The following PCDHA7 variants were observed in gnomAD, a reference collection of about 807,000 sequenced individuals.
The protein encoded by PCDHA7 is protocadherin alpha-7.
Under a neutral mutation model 57.2 loss-of-function variants are expected in PCDHA7, and 37 were observed. The observed-to-expected ratio is 0.65, with a 90% CI of 0.50 to 0.85. The LOEUF is 0.85. PCDHA7 is among the 40% of genes least tolerant of loss of function. PCDHA7 has a pLI of 0.00. For missense variants in PCDHA7, 1,188 were observed against 1,241.8 expected (o/e 0.96, Z 0.65); for synonymous variants, 553 against 558.8 (o/e 0.99, Z 0.15).
At chr5:140,858,342 C>T (rs528199752) in intron 1 of PCDHA7, 5 of 1,594,916 alleles carry the variant, frequency 3.1e-6, no homozygotes, top group East Asian at 2.2e-5. Flanking sequence ...CTGCCCAAGG[C>T]GGACCTCATG....
intron 1 of PCDHA7, among the ~76,000 whole-genome samples, chr5:140,960,097 T>C (rs2095526762): frequency 6.6e-6 from 1 of 152,232 alleles, no homozygotes. Context: ...AAGAAACTTG[T>C]AGTTGTGGGA....
rs576221086 is a variant in PCDHA7, at chr5:140,933,031, A to G, written c.2356-45918A>G. Among the ~76,000 whole-genome samples, 5 of 152,154 alleles carry G rather than the reference A, an allele frequency of 3.3e-5. No individual in the cohort carries two copies. The South Asian group carries it at 6.2e-4, about 19-fold the overall frequency. ...AATATTAACACTTGGCAGAACTTCAAGTGAATATGGATTACAGTCCAGGAT... is the reference window on the plus strand; with the variant it reads ...AATATTAACACTTGGCAGAACTTCAGGTGAATATGGATTACAGTCCAGGAT... On this transcript the variant is annotated intron_variant, in intron 1 of 3. Coordinates refer to ENST00000525929, the MANE Select transcript of PCDHA7 (RefSeq NM_018910.3).
In PCDHA7 at chr5:140,849,626, A is replaced by C. The variant is rs141672026; in HGVS notation, c.2355+12888A>C. ...TTGCCCTGATTAGTGTGATCGACCT[A>C]GACGCAGATGCCAACGGGCAGGTTA... On this transcript the variant is annotated intron_variant, in intron 1 of 3. Transcript: ENST00000525929. 6.8e-4 allele frequency: 1,095 copies of C among 1,598,786 alleles called. 108 individuals carry two copies. The highest frequency in any genetic ancestry group is 1.2e-3 in the South Asian group (106 of 90,568).
rs2098422801 is a variant in PCDHA7, at chr5:141,012,055, C to T, written c.*2118C>T. On this transcript the variant is annotated 3_prime_UTR_variant, in exon 4 of 4. Coordinates refer to ENST00000525929, the MANE Select transcript of PCDHA7 (RefSeq NM_018910.3). ...GGATTGCATGGGGTAAAACTTGTTA[C>T]CAACACATGTGAACCATTGCTACAT... The T allele has an allele frequency of 6.5e-6, 1 of 153,666 alleles. No individual in the cohort carries two copies. Among genetic ancestry groups the T allele is most frequent in the African/African-American group, 2.4e-5 (1 of 41,404 alleles). 9.5% of individuals were successfully genotyped at this position (153,666 alleles called of 1,614,324 possible).
chr5:140,915,684 G>T (rs576904848), intron 1 of PCDHA7, among the ~76,000 whole-genome samples: 5 of 151,572 alleles, frequency 3.3e-5, no homozygotes, highest in South Asian at 4.2e-4. Context: ...TGAACTAGGG[G>T]TATGGTGATG....
chr5:140,848,559 G>C, intron 1 of PCDHA7: 1 of 1,595,568 alleles, frequency 6.3e-7, no homozygotes, highest in Non-Finnish European at 8.6e-7. Context: ...TCTGATCCTC[G>C]CAATGTGGGT....
At chr5:140,864,765 T>C (rs1345308303) in intron 1 of PCDHA7, 1 of 152,222 alleles carries the variant, frequency 6.6e-6, no homozygotes, top group Non-Finnish European at 1.5e-5. Context: ...TTTCTTTCAT[T>C]TTTGGTACCT....
chr5:140,932,637 T>G (rs1554209011), intron 1 of PCDHA7, among the ~76,000 whole-genome samples: 2 of 151,870 alleles, frequency 1.3e-5, no homozygotes, highest in Non-Finnish European at 3.0e-5. Flanking sequence ...TAAAAAACTT[T>G]AGAATGATGA....
Position 141,010,322 on chromosome 5 carries a change from C to G in PCDHA7, c.*385C>G. 6.5e-7 allele frequency: 1 copy of G among 1,540,986 alleles called. No homozygotes were observed. The highest frequency in any genetic ancestry group is 8.7e-7 in the Non-Finnish European group (1 of 1,143,174). Reference sequence around the variant, plus strand: ...GCTGAAAAGTTTTGAGATTGAGCAGCTTGGGAGTTTGTGGCCACTGGGTAT... The same window carrying G: ...GCTGAAAAGTTTTGAGATTGAGCAGGTTGGGAGTTTGTGGCCACTGGGTAT... On this transcript the variant is annotated 3_prime_UTR_variant, in exon 4 of 4. Transcript: ENST00000525929.
chr5:140,853,275 T>C lies in PCDHA7; in HGVS notation c.2355+16537T>C, dbSNP rs144030935. On this transcript the variant is annotated intron_variant, in intron 1 of 3. Coordinates refer to ENST00000525929, the MANE Select transcript of PCDHA7 (RefSeq NM_018910.3). The stretch of plus-strand genomic sequence containing the variant: ...TTCTCTCTCAGAGTACAAGCTCTCA[T>C]CATATGCAAATTCTCAGAAGGGCTG... The C allele has an allele frequency of 8.2e-6, 8 of 978,484 alleles. No homozygotes were observed. The East Asian group carries it at 9.1e-4, about 111-fold the overall frequency. The allele number at this position is 978,484 out of a possible 1,614,324, so 60.6% of individuals were successfully genotyped here. A position where few individuals can be genotyped will look rare whatever the true frequency, so the allele number is the denominator to read the frequency against.
At chr5:140,941,198 T>TCTTC (rs202127003) in intron 1 of PCDHA7, among the ~76,000 whole-genome samples, 5 of 119,810 alleles carry the variant, frequency 4.2e-5, no homozygotes, top group Non-Finnish European at 7.0e-5. Flanking sequence ...TTTTTTTCTT[T>TCTTC]CTTCCTTTCT....
chr5:140,957,702 A>C (rs930331275), intron 1 of PCDHA7, among the ~76,000 whole-genome samples: 4 of 152,158 alleles, frequency 2.6e-5, no homozygotes, highest in Non-Finnish European at 5.9e-5. Context: ...AACATTATGT[A>C]GTTTTTATTA....
intron 1 of PCDHA7, among the ~76,000 whole-genome samples, chr5:140,916,543 G>A (rs1554197499): frequency 6.6e-6 from 1 of 152,152 alleles, no homozygotes; most frequent in Non-Finnish European, 1.5e-5. Context: ...AAGGCAATGG[G>A]TTTTCTATTT....
chr5:140,987,579 G>A (rs1587244490), intron 3 of PCDHA7, among the ~76,000 whole-genome samples: 1 of 152,280 alleles, frequency 6.6e-6, no homozygotes, highest in East Asian at 1.9e-4. Flanking sequence ...TCTATAAAAT[G>A]GGGAGAATAG....
At position 140,997,702 on chromosome 5, in the gene PCDHA7, T is replaced by A. The variant is rs548432387; in HGVS notation, c.2504-11925T>A. Reference sequence around the variant, plus strand: ...TGTGTGTGTGTGTGTGTGTGTATGTTAACAAACACCTTTCTACGTCAGTAC... The same window carrying A: ...TGTGTGTGTGTGTGTGTGTGTATGTAAACAAACACCTTTCTACGTCAGTAC... On this transcript the variant is annotated intron_variant, in intron 3 of 3. Coordinates refer to ENST00000525929, the MANE Select transcript of PCDHA7 (RefSeq NM_018910.3). 1.4e-3 allele frequency among the ~76,000 whole-genome samples: 209 copies of A among 150,856 alleles called. 1 individual carries two copies. The highest frequency in any genetic ancestry group is 4.8e-3 in the African/African-American group (199 of 41,058).
chr5:140,868,148 T>C (rs980442760), intron 1 of PCDHA7: 1 of 152,150 alleles, frequency 6.6e-6, no homozygotes, highest in African/African-American at 2.4e-5. Context: ...ATTGATTCTG[T>C]TACATAAAGT....
chr5:140,952,512 C>T (rs1381568463), intron 1 of PCDHA7, among the ~76,000 whole-genome samples: 1 of 152,124 alleles, frequency 6.6e-6, no homozygotes, highest in Non-Finnish European at 1.5e-5. Flanking sequence ...TCCTCATCTC[C>T]ATCTGAGACC....
At chr5:140,899,884 T>C (rs1467670856) in intron 1 of PCDHA7, among the ~76,000 whole-genome samples, 17 of 152,152 alleles carry the variant, frequency 1.1e-4, no homozygotes, top group African/African-American at 3.9e-4. Flanking sequence ...CAGAACTCAG[T>C]GCAGCCTTGA....
At chr5:140,842,042 A>G (rs2150327853) in intron 1 of PCDHA7, 8 of 1,613,906 alleles carry the variant, frequency 5.0e-6, no homozygotes, top group East Asian at 2.2e-5. Flanking sequence ...TAATGCTCCC[A>G]CTTTCGAACA....
Sources: gnomAD v4.1 joint callset for allele counts (sites outside exome capture counted in the v4.1 genomes callset) on GRCh38, gnomAD v4.1.1 for gene constraint, MANE v1.5 for transcripts, NCBI Gene and HGNC (gene_info 2026-07-23, HGNC 2026-07-21) for gene names.